ANKFN1: variants seen among roughly 807,000 people sequenced by gnomAD.
ANKFN1 encodes the protein ankyrin repeat and fibronectin type III domain containing 1.
A neutral mutation model predicts 108.7 loss-of-function variants in ANKFN1; 74 were observed. The observed-to-expected ratio is 0.68, with a 90% CI of 0.56 to 0.83. ANKFN1 has a LOEUF of 0.83. ANKFN1 is among the 40% of genes least tolerant of loss of function. ANKFN1 has a pLI of 0.00. For missense variants in ANKFN1, 1,505 were observed against 1,382.3 expected (o/e 1.09, Z -1.41); for synonymous variants, 547 against 516.2 (o/e 1.06, Z -0.81).
chr17:56,425,719 AG>A (rs540332632), intron 8 of ANKFN1, among the ~76,000 whole-genome samples: 266 of 152,320 alleles, frequency 1.7e-3, no homozygotes, highest in African/African-American at 5.7e-3. Context: ...GTCTGCCAGG[AG>A]CCAGCCTGTC....
intron 3 of ANKFN1, among the ~76,000 whole-genome samples, chr17:56,230,383 C>A (rs1237743627): frequency 6.6e-6 from 1 of 152,068 alleles, no homozygotes; most frequent in East Asian, 1.9e-4. Context: ...TTTCTCCTGA[C>A]CCCTTCAAAG....
At chr17:56,217,565 A>G (rs1238571054) in intron 2 of ANKFN1, among the ~76,000 whole-genome samples, 1 of 152,180 alleles carries the variant, frequency 6.6e-6, no homozygotes, top group Admixed American at 6.5e-5. Context: ...CATGTGGCAG[A>G]TAGAGGCCAT....
chr17:56,419,132 G>A (rs2048325231), intron 8 of ANKFN1, among the ~76,000 whole-genome samples: 2 of 152,214 alleles, frequency 1.3e-5, no homozygotes, highest in Non-Finnish European at 2.9e-5. Context: ...CCCCCAGTCA[G>A]TGGATAGGAG....
intron 1 of ANKFN1, among the ~76,000 whole-genome samples, chr17:56,180,143 T>G (rs1204007543): frequency 6.6e-6 from 1 of 152,172 alleles, no homozygotes; most frequent in Non-Finnish European, 1.5e-5. Context: ...GGCCTCTCTT[T>G]CTACCCTTTA....
chr17:56,408,023 C>T (rs771508277), intron 8 of ANKFN1, among the ~76,000 whole-genome samples: 4 of 151,126 alleles, frequency 2.6e-5, no homozygotes, highest in Non-Finnish European at 5.9e-5. Context: ...CAACCTCCGC[C>T]TCCCGGGTTC....
At position 56,456,926 on chromosome 17, in the gene ANKFN1, C is replaced by T. The variant is rs1228591572; in HGVS notation, c.1273C>T (p.His425Tyr). The T allele has an allele frequency of 1.2e-6, 2 of 1,614,094 alleles. No individual in the cohort carries two copies. The highest frequency in any genetic ancestry group is 2.2e-5 in the South Asian group (2 of 91,074). The change falls in exon 12 of 21, where the codon CAT becomes TAT. Residue 425 changes from histidine to tyrosine, a missense_variant. Physicochemically the swap from His to Tyr is moderately conservative, Grantham distance 83 (BLOSUM62 2). Coordinates refer to ENST00000682825, the MANE Select transcript of ANKFN1 (RefSeq NM_001370326.1). Reference sequence around the variant, plus strand: ...CTCAAGAAGCCTGAAACACCTGTTCCATTCCTCGAACAAGTTTGTGAAGAC... The same window carrying T: ...CTCAAGAAGCCTGAAACACCTGTTCTATTCCTCGAACAAGTTTGTGAAGAC... Reference protein sequence around the residue: ...SVSRSLKHLFHSSNKFVKTLK... With the variant: ...SVSRSLKHLFYSSNKFVKTLK...
chr17:56,194,226 T>C (rs1913283555), intron 1 of ANKFN1, among the ~76,000 whole-genome samples: 2 of 152,222 alleles, frequency 1.3e-5, no homozygotes, highest in African/African-American at 4.8e-5. Flanking sequence ...AGACCGAACA[T>C]ACTTTTGCTG....
intron 15 of ANKFN1, among the ~76,000 whole-genome samples, chr17:56,467,791 GAAGAAAGAAAGAAAGA>G (rs1555660585): frequency 0.014 from 749 of 54,944 alleles, 7 homozygotes; most frequent in Middle Eastern, 0.075. Context: ...AAGAAAGAAA[GAAGAAAGAAAGAAAGA>G]AAGAAAGAAA....
intron 4 of ANKFN1, among the ~76,000 whole-genome samples, chr17:56,131,116 G>A (rs189583090): frequency 6.6e-6 from 1 of 152,278 alleles, no homozygotes; most frequent in African/African-American, 2.4e-5. Context: ...ATCTGTAGGG[G>A]AAACTGTCAG....
chr17:56,416,592 C>T (rs1460754360), intron 8 of ANKFN1, among the ~76,000 whole-genome samples: 2 of 152,128 alleles, frequency 1.3e-5, no homozygotes, highest in Admixed American at 6.5e-5. Flanking sequence ...AGGAAATCCT[C>T]GTACGCTGTT....
Position 56,230,978 on chromosome 17 carries a change from C to T in ANKFN1, c.53+3021C>T, listed in dbSNP as rs16956934. ...GTTAATGAAATAAGTCAGAAAAGAA[C>T]GCTAGAGACTAGTGGAAGCTGGTTG... is the stretch of plus-strand genomic sequence containing the variant. On this transcript the variant is annotated intron_variant, in intron 3 of 20. Coordinates refer to ENST00000682825, the MANE Select transcript of ANKFN1 (RefSeq NM_001370326.1). Among the ~76,000 whole-genome samples, 32 of 152,124 alleles carry T rather than the reference C, an allele frequency of 2.1e-4. No homozygotes were observed. The East Asian group carries it at 4.3e-3, about 20-fold the overall frequency.
intron 3 of ANKFN1, chr17:56,258,029 GGCT>G (rs1207563922): frequency 6.6e-6 from 1 of 152,234 alleles, no homozygotes; most frequent in African/African-American, 2.4e-5. Flanking sequence ...TTGATGACGT[GGCT>G]GCTAACAGGC....
At chr17:56,363,898 G>A (rs963550045) in intron 6 of ANKFN1, among the ~76,000 whole-genome samples, 2 of 152,088 alleles carry the variant, frequency 1.3e-5, no homozygotes, top group Non-Finnish European at 2.9e-5. Flanking sequence ...ACTCATAGAA[G>A]CAGAAAGTGG....
At position 56,387,941 on chromosome 17, in the gene ANKFN1, T is replaced by C. The variant is rs184005454; in HGVS notation, c.910+13227T>C. ...TGTCTTTTTTTGTATACACATTTAATTGTTTTGTCCAAAGTGATATAGGGG... is the reference window on the plus strand; with the variant it reads ...TGTCTTTTTTTGTATACACATTTAACTGTTTTGTCCAAAGTGATATAGGGG... On this transcript the variant is annotated intron_variant, in intron 8 of 20. Transcript: ENST00000682825. 4.4e-4 allele frequency among the ~76,000 whole-genome samples: 67 copies of C among 152,256 alleles called. 1 individual carries two copies. In the East Asian group the frequency reaches 0.012, roughly 26 times the overall value.
chr17:56,184,501 C>T (rs146026822), intron 1 of ANKFN1, among the ~76,000 whole-genome samples: 13 of 152,174 alleles, frequency 8.5e-5, no homozygotes, highest in South Asian at 2.1e-4. Flanking sequence ...AAAATTAATG[C>T]GACTTGTTTT....
intron 4 of ANKFN1, among the ~76,000 whole-genome samples, chr17:56,048,376 G>A (rs1904716460): frequency 6.6e-6 from 1 of 151,968 alleles, no homozygotes; most frequent in Admixed American, 6.6e-5. Context: ...TTTCATGCCT[G>A]TTACCAGACT....
chr17:56,232,719 TTC>T (rs1916832587), intron 3 of ANKFN1, among the ~76,000 whole-genome samples: 2 of 152,152 alleles, frequency 1.3e-5, no homozygotes, highest in Non-Finnish European at 2.9e-5. Context: ...GTCTGTGATA[TTC>T]TCTTAAACAA....
At chr17:56,329,140 A>G (rs1226657740) in intron 4 of ANKFN1, among the ~76,000 whole-genome samples, 1 of 152,164 alleles carries the variant, frequency 6.6e-6, no homozygotes, top group African/African-American at 2.4e-5. Flanking sequence ...CCTGTTGGGT[A>G]CAGGTTAAAG....
chr17:56,499,893 A>G (rs150050168), intron 20 of ANKFN1, among the ~76,000 whole-genome samples: 3 of 152,340 alleles, frequency 2.0e-5, no homozygotes, highest in East Asian at 3.9e-4. Context: ...GATTCAAAGC[A>G]TCTTTCTTGA....
Sources: gnomAD v4.1 joint callset for allele counts (sites outside exome capture counted in the v4.1 genomes callset) on GRCh38, gnomAD v4.1.1 for gene constraint, MANE v1.5 for transcripts, NCBI Gene and HGNC (gene_info 2026-07-23, HGNC 2026-07-21) for gene names.